MICAL3: variants seen among roughly 807,000 people sequenced by gnomAD.
MICAL3 encodes microtubule associated monooxygenase, calponin and LIM domain containing 3, also known as [F-actin]-monooxygenase MICAL3.
In MICAL3, 62 loss-of-function variants were observed where a neutral mutation model predicts 207.4. The ratio of observed to expected loss-of-function variants is 0.30; its 90% CI spans 0.24 to 0.37. The LOEUF is 0.37. MICAL3 is among the 10% of genes least tolerant of loss of function. The pLI is 1.00. For synonymous variants in MICAL3, 1,077 were observed against 1,069.3 expected, an observed-to-expected ratio of 1.01 and a Z score of -0.14; for missense variants, 2,368 against 2,635.6, an observed-to-expected ratio of 0.90 and a Z score of 2.22.
rs1396388532 is a variant in MICAL3 at position 17,955,128 on chromosome 22, T to C, written c.-74-48242A>G. 3.3e-5 allele frequency among the ~76,000 whole-genome samples: 5 copies of C among 152,346 alleles called. No homozygotes were observed. The East Asian group carries it at 5.8e-4, about 18-fold the overall frequency. ...AGCAGGATTCTTGTTAAGGATTAAA[T>C]GACAATGCATTTAGCCACTGAGAAT... is the stretch of plus-strand genomic sequence containing the variant. On this transcript the variant is annotated intron_variant, in intron 1 of 31. Transcript: ENST00000441493.
At position 17,948,070 on chromosome 22, in the gene MICAL3, G is replaced by C. The variant is rs919839758; in HGVS notation, c.-74-41184C>G. On this transcript the variant is annotated intron_variant, in intron 1 of 31. Transcript: ENST00000441493. ...TCTGCTCCTGTAAAGCAAGGCACGA[G>C]AGCTTGAAAGCTCCAGAGCTGATCT... Among the ~76,000 whole-genome samples, 29 of 151,986 alleles carry C rather than the reference G, an allele frequency of 1.9e-4. 1 individual carries two copies. The highest frequency in any genetic ancestry group is 7.0e-4 in the African/African-American group (29 of 41,466).
chr22:17,821,689 C>T (rs1005748232), intron 24 of MICAL3, among the ~76,000 whole-genome samples, 180 bp from the exon 25 acceptor site: 4 of 152,200 alleles, frequency 2.6e-5, no homozygotes, highest in Admixed American at 6.5e-5. Flanking sequence ...ACCGTCTTCC[C>T]GGGGCTGCCC....
At position 17,826,538 on chromosome 22, in the gene MICAL3, A is replaced by G. The variant is rs943110307; in HGVS notation, c.3193+1106T>C. 4 of 983,970 alleles carry G rather than the reference A, an allele frequency of 4.1e-6. No individual in the cohort carries two copies. In the African/African-American group the frequency reaches 7.0e-5, roughly 17 times the overall value. 61.0% of individuals were successfully genotyped at this position (983,970 alleles called of 1,614,324 possible). A position where few individuals can be genotyped will look rare whatever the true frequency, so the allele number is the denominator to read the frequency against. On this transcript the variant is annotated intron_variant, in intron 22 of 31. Transcript: ENST00000441493. Reference sequence around the variant, plus strand: ...GGCACTGAATTTAAAACAGACGACAAATACAAAGTTACACAGCAATATGCG... The same window carrying G: ...GGCACTGAATTTAAAACAGACGACAGATACAAAGTTACACAGCAATATGCG...
In MICAL3 at chr22:17,822,138, C is replaced by T; in HGVS notation, c.3340G>A (p.Asp1114Asn). 3.1e-6 allele frequency: 5 copies of T among 1,613,812 alleles called. No homozygotes were observed. The highest frequency in any genetic ancestry group is 3.4e-6 in the Non-Finnish European group (4 of 1,179,890). Residue 1114 changes from aspartate (D) to asparagine (N), a missense_variant, in exon 24 of 32, where the codon GAC becomes AAC. Physicochemically the swap from Asp to Asn is conservative, Grantham distance 23. Transcript: ENST00000441493. ...GGGCACGGCAAACGCAGCTCTCTGT[C>T]AGCATCCGACGGGCTGTCAGACCAG... ...QHWSDSPSDA[D>N]RELRLPCPAE...
chr22:17,863,505 A>G, intron 19 of MICAL3: 2 of 985,398 alleles, frequency 2.0e-6, no homozygotes, highest in Non-Finnish European at 2.4e-6. Context: ...CACGAGAAAG[A>G]TGGATTATAA....
At chr22:17,933,164 A>G (rs1227723117) in intron 1 of MICAL3, among the ~76,000 whole-genome samples, 2 of 152,228 alleles carry the variant, frequency 1.3e-5, no homozygotes, top group African/African-American at 2.4e-5. Flanking sequence ...TCAACAGAAT[A>G]TACATTCTTG....
rs185617879 is a variant in MICAL3, at chr22:17,976,851, G to A, written c.-75+47430C>T. Among the ~76,000 whole-genome samples the A allele has an allele frequency of 2.6e-3, 389 of 149,392 alleles. 2 individuals are homozygous for A. Among genetic ancestry groups the A allele is most frequent in the African/African-American group, 9.1e-3 (370 of 40,476 alleles). ...AGATGGAGTCTTGCTCTGTCGCCCAGGCTGGAGTGCAGTGGCGTGATCTCG... is the reference window on the plus strand; with the variant it reads ...AGATGGAGTCTTGCTCTGTCGCCCAAGCTGGAGTGCAGTGGCGTGATCTCG... On this transcript the variant is annotated intron_variant, in intron 1 of 31. Transcript: ENST00000441493.
chr22:17,835,986 C>T (rs978845451), intron 20 of MICAL3, among the ~76,000 whole-genome samples: 8 of 152,214 alleles, frequency 5.3e-5, no homozygotes, highest in African/African-American at 1.7e-4. Flanking sequence ...CCCGGTAAAG[C>T]CTCCATCAGA....
intron 1 of MICAL3, among the ~76,000 whole-genome samples, chr22:17,944,231 T>C (rs1468686535): frequency 6.6e-6 from 1 of 152,218 alleles, no homozygotes; most frequent in Non-Finnish European, 1.5e-5. Context: ...TGTTTACTTG[T>C]GCGTCATAGC....
At chr22:17,880,258 T>C (rs1929297050) in intron 16 of MICAL3, among the ~76,000 whole-genome samples, 1 of 152,186 alleles carries the variant, frequency 6.6e-6, no homozygotes, top group Admixed American at 6.5e-5. Context: ...CTCTCCACTC[T>C]ATACTTCAGT....
intron 29 of MICAL3, among the ~76,000 whole-genome samples, chr22:17,803,129 C>A (rs1182074146): frequency 6.6e-6 from 1 of 152,140 alleles, no homozygotes; most frequent in African/African-American, 2.4e-5. Flanking sequence ...GCTGTGCCTT[C>A]CTAACAGGCT....
chr22:17,854,178 T>A (rs1925643880), intron 19 of MICAL3, among the ~76,000 whole-genome samples: 1 of 151,940 alleles, frequency 6.6e-6, no homozygotes, highest in Non-Finnish European at 1.5e-5. Context: ...TTCCCCTGGG[T>A]CACTTGGCAA....
At chr22:17,986,669 C>T in intron 1 of MICAL3, among the ~76,000 whole-genome samples, 1 of 152,166 alleles carries the variant, frequency 6.6e-6, no homozygotes, top group East Asian at 1.9e-4. Context: ...AAAAATGCAT[C>T]CCTCTACTCC....
At chr22:17,988,643 G>C (rs1190442578) in intron 1 of MICAL3, among the ~76,000 whole-genome samples, 1 of 151,944 alleles carries the variant, frequency 6.6e-6, no homozygotes, top group Non-Finnish European at 1.5e-5. Flanking sequence ...TTTTAGTAGA[G>C]ACGGGGGTTT....
chr22:17,859,515 T>C (rs1321582724), intron 19 of MICAL3, among the ~76,000 whole-genome samples: 3 of 152,158 alleles, frequency 2.0e-5, no homozygotes, highest in Non-Finnish European at 4.4e-5. Context: ...AAGGGAATAG[T>C]CTGTTTTTAA....
intron 1 of MICAL3, among the ~76,000 whole-genome samples, 172 bp downstream of exon 1, chr22:18,024,109 G>A (rs778007628): frequency 6.6e-6 from 1 of 152,326 alleles, no homozygotes; most frequent in Middle Eastern, 3.4e-3. Context: ...AGGGGAGAGA[G>A]GGCTGCGTTT....
chr22:17,881,387 G>T, intron 16 of MICAL3: 1 of 1,159,760 alleles, frequency 8.6e-7, no homozygotes, highest in Non-Finnish European at 1.3e-6. Context: ...ACTGAAGGGT[G>T]TTTGTCAGAA....
intron 13 of MICAL3, among the ~76,000 whole-genome samples, 188 bp from the exon 14 acceptor site, chr22:17,887,623 T>C (rs188007218): frequency 9.5e-4 from 145 of 152,356 alleles, no homozygotes; most frequent in East Asian, 3.7e-3. Context: ...GGTATGGACA[T>C]TGAACCTTCT....
intron 1 of MICAL3, among the ~76,000 whole-genome samples, chr22:17,968,687 A>T (rs1341797612): frequency 6.6e-6 from 1 of 152,162 alleles, no homozygotes; most frequent in African/African-American, 2.4e-5. Flanking sequence ...CCGCTGAAAG[A>T]AAGGCCGGTT....
Sources: gnomAD v4.1 joint callset for allele counts (sites outside exome capture counted in the v4.1 genomes callset) on GRCh38, gnomAD v4.1.1 for gene constraint, MANE v1.5 for transcripts, NCBI Gene and HGNC (gene_info 2026-07-23, HGNC 2026-07-21) for gene names.